ZBBX: variants seen among roughly 807,000 people sequenced by gnomAD.
ZBBX encodes zinc finger B-box domain containing.
Under a neutral mutation model 108.5 loss-of-function variants are expected in ZBBX, and 101 were observed. The observed-to-expected ratio is 0.93, with a 90% CI of 0.79 to 1.10. The LOEUF is 1.10. Among genes scored for constraint, ZBBX ranks in the 50% least tolerant of loss-of-function variants. The pLI, the probability that ZBBX is intolerant of heterozygous loss-of-function variation, is 0.00. For missense variants in ZBBX, 1,009 were observed against 941.4 expected (o/e 1.07, Z -0.94); for synonymous variants, 356 against 323.4 (o/e 1.10, Z -1.08).
intron 1 of ZBBX, among the ~76,000 whole-genome samples, chr3:167,391,388 A>G (rs1310223500): frequency 2.0e-5 from 3 of 152,078 alleles, no homozygotes; most frequent in African/African-American, 7.2e-5. Flanking sequence ...TTGGTTTGCC[A>G]GTATTTTATT....
chr3:167,218,619 A>G, the ZBBX span, among the ~76,000 whole-genome samples: 1 of 152,132 alleles, frequency 6.6e-6, no homozygotes, highest in African/African-American at 2.4e-5. Flanking sequence ...AATAAAAAAT[A>G]CAACAGATAC....
At position 167,350,487 on chromosome 3, in the gene ZBBX, C is replaced by A. The variant is rs767537003; in HGVS notation, c.461G>T (p.Cys154Phe). 2 of 1,590,912 alleles carry A rather than the reference C, an allele frequency of 1.3e-6. No homozygotes were observed. The highest frequency in any genetic ancestry group is 1.7e-6 in the Non-Finnish European group (2 of 1,165,964). ...GTGAACTTTAGCAAAGCATCCTGAA[C>A]AATAATCTTCTCCACATTCAAGGCA... ...LVCLECGEDY[C>F]SGCFAKVHQK... Residue 154 changes from cysteine to phenylalanine, a missense_variant, in exon 9 of 22, where the codon TGT becomes TTT. By Grantham distance (205) the Cys-to-Phe change is radical. Transcript: ENST00000675490.
the ZBBX span, among the ~76,000 whole-genome samples, chr3:167,216,160 A>G: frequency 1.3e-5 from 2 of 152,126 alleles, no homozygotes; most frequent in African/African-American, 2.4e-5. Context: ...AGGGCATCCA[A>G]ACAAAAACAG....
chr3:167,264,347 C>T (rs370172034), intron 20 of ZBBX, among the ~76,000 whole-genome samples: 7 of 151,978 alleles, frequency 4.6e-5, no homozygotes, highest in East Asian at 3.9e-4. Flanking sequence ...CTTTAATTTA[C>T]GCTTTTTATT....
the ZBBX span, among the ~76,000 whole-genome samples, chr3:167,234,012 A>C: frequency 6.6e-6 from 1 of 151,760 alleles, no homozygotes; most frequent in African/African-American, 2.4e-5. Flanking sequence ...GCTTTTGTTC[A>C]GCAATTCAGT....
Position 167,305,959 on chromosome 3 carries a change from A to C in ZBBX, c.1418-9T>G. The C allele has an allele frequency of 6.7e-7, 1 of 1,502,684 alleles. No individual in the cohort carries two copies. The highest frequency in any genetic ancestry group is 8.9e-7 in the Non-Finnish European group (1 of 1,126,262). 93.1% of individuals were successfully genotyped at this position (1,502,684 alleles called of 1,614,324 possible). On this transcript the variant is annotated splice_polypyrimidine_tract_variant and intron_variant, in intron 16 of 21. Transcript: ENST00000675490. Reference sequence around the variant, plus strand: ...TGTGTTTGAAGTTTCTGCTGTTAAAAACACACAGTTACAAAAGGTACATAA... The same window carrying C: ...TGTGTTTGAAGTTTCTGCTGTTAAACACACACAGTTACAAAAGGTACATAA...
intron 20 of ZBBX, among the ~76,000 whole-genome samples, chr3:167,247,606 G>GT (rs1363353256): frequency 6.6e-6 from 1 of 152,100 alleles, no homozygotes; most frequent in East Asian, 1.9e-4. Context: ...AGATCACCCT[G>GT]TAACACATGC....
At chr3:167,406,378 G>A (rs569793462) in intron 1 of ZBBX, among the ~76,000 whole-genome samples, 46 of 152,236 alleles carry the variant, frequency 3.0e-4, no homozygotes, top group African/African-American at 1.1e-3. Context: ...GAGATTAAAC[G>A]GTGTATGGAA....
Position 167,318,782 on chromosome 3 carries a change from A to C in ZBBX, c.984-1185T>G, listed in dbSNP as rs115180486. Among the ~76,000 whole-genome samples, 1,203 of 151,504 alleles carry C rather than the reference A, an allele frequency of 7.9e-3. 10 individuals are homozygous for C. Among genetic ancestry groups the C allele is most frequent in the African/African-American group, 0.021 (883 of 41,246 alleles). On this transcript the variant is annotated intron_variant, in intron 12 of 21. Coordinates refer to ENST00000675490, the MANE Select transcript of ZBBX (RefSeq NM_001199201.2). ...AGTCATATGGACCACAGTACCCCCC[A>C]AAAAAAATAGCCTGAAGAGCTATTA...
chr3:167,390,853 T>C (rs1748064271), intron 1 of ZBBX, among the ~76,000 whole-genome samples: 1 of 152,194 alleles, frequency 6.6e-6, no homozygotes, highest in South Asian at 2.1e-4. Context: ...GAGACTTTGC[T>C]GAAGTTGCTT....
intron 1 of ZBBX, among the ~76,000 whole-genome samples, chr3:167,393,449 C>G (rs904546813): frequency 6.6e-6 from 1 of 151,756 alleles, no homozygotes; most frequent in Non-Finnish European, 1.5e-5. Context: ...TTATCATGAT[C>G]TTGCTTATTT....
At chr3:167,336,589 G>C (rs142269782) in intron 9 of ZBBX, among the ~76,000 whole-genome samples, 1 of 152,052 alleles carries the variant, frequency 6.6e-6, no homozygotes, top group Admixed American at 6.5e-5. Flanking sequence ...ACAAAATGTC[G>C]TGACTTGAAA....
At chr3:167,180,036 C>G in the ZBBX span, among the ~76,000 whole-genome samples, 1 of 150,954 alleles carries the variant, frequency 6.6e-6, no homozygotes, top group East Asian at 2.0e-4. Flanking sequence ...CAATTTGATC[C>G]AAATAAGAAG....
the ZBBX span, among the ~76,000 whole-genome samples, chr3:167,199,127 C>T: frequency 6.6e-6 from 1 of 152,082 alleles, no homozygotes; most frequent in Admixed American, 6.6e-5. Flanking sequence ...GCAGGAGAAG[C>T]ATTAAAGGGT....
rs1381898471 is a variant in ZBBX at position 167,240,641 on chromosome 3, T to C, written c.*152A>G. 3.7e-6 allele frequency: 3 copies of C among 817,416 alleles called. No individual in the cohort carries two copies. The highest frequency in any genetic ancestry group is 3.7e-6 in the Non-Finnish European group (2 of 541,896). The allele number at this position is 817,416 out of a possible 1,614,324, so 50.6% of individuals were successfully genotyped here. A position where few individuals can be genotyped will look rare whatever the true frequency, so the allele number is the denominator to read the frequency against. On this transcript the variant is annotated 3_prime_UTR_variant, in exon 22 of 22. Transcript: ENST00000675490. ...TTGGAAGAATAAGCCCTTGAACTTA[T>C]AATTTTACTTTTATTAGTTTGTAGC... is the stretch of plus-strand genomic sequence containing the variant.
the ZBBX span, among the ~76,000 whole-genome samples, chr3:167,211,039 G>A: frequency 6.6e-6 from 1 of 152,144 alleles, no homozygotes; most frequent in Admixed American, 6.5e-5. Flanking sequence ...GGAACAGAAG[G>A]GGTGAGTAAA....
chr3:167,194,248 A>ATATATATG, the ZBBX span, among the ~76,000 whole-genome samples: 1 of 139,348 alleles, frequency 7.2e-6, no homozygotes, highest in Non-Finnish European at 1.6e-5. Flanking sequence ...ATATATATAT[A>ATATATATG]TATGTATATT....
rs1232872487 is a variant in ZBBX at position 167,305,915 on chromosome 3, C to A, written c.1453G>T (p.Asp485Tyr). 1 of 1,576,206 alleles carries A rather than the reference C, an allele frequency of 6.3e-7. No individual in the cohort carries two copies. Among genetic ancestry groups the A allele is most frequent in the Non-Finnish European group, 8.6e-7 (1 of 1,163,788 alleles). Reference sequence around the variant, plus strand: ...ATGTCAGAAGAATACACATCAGGATCCACGATGTTGTCAAAATCTGTGTTT... The same window carrying A: ...ATGTCAGAAGAATACACATCAGGATACACGATGTTGTCAAAATCTGTGTTT... Reference protein sequence around the residue: ...TSNTDFDNIVDPDVYSSDIEK... With the variant: ...TSNTDFDNIVYPDVYSSDIEK... Residue 485 changes from aspartate (D) to tyrosine (Y), a missense_variant, in exon 17 of 22, where the codon GAT becomes TAT. Coordinates refer to ENST00000675490, the MANE Select transcript of ZBBX (RefSeq NM_001199201.2).
intron 10 of ZBBX, among the ~76,000 whole-genome samples, chr3:167,329,137 CA>C (rs1179418089): frequency 6.6e-6 from 1 of 151,994 alleles, no homozygotes; most frequent in Non-Finnish European, 1.5e-5. Flanking sequence ...GAATTCAGTA[CA>C]AAATATAAAT....
Sources: allele counts gnomAD v4.1 joint callset (sites outside exome capture counted in the v4.1 genomes callset), GRCh38; gene constraint gnomAD v4.1.1; transcripts MANE v1.5; gene names NCBI Gene and HGNC (gene_info 2026-07-23, HGNC 2026-07-21).